CHRM3: variants seen among roughly 807,000 people sequenced by gnomAD.
CHRM3 encodes the protein cholinergic receptor muscarinic 3.
A neutral mutation model predicts 41.8 loss-of-function variants in CHRM3; 11 were observed. The observed-to-expected ratio is 0.26, with a 90% CI of 0.17 to 0.44. The LOEUF is 0.44. Among genes scored for constraint, CHRM3 ranks in the 20% least tolerant of loss-of-function variants. CHRM3 has a pLI of 1.00. For synonymous variants in CHRM3, 297 were observed against 301.4 expected (o/e 0.99, Z 0.15); for missense variants, 571 against 745.4 (o/e 0.77, Z 2.72).
chr1:239,392,785 T>A (rs1218185778), intron 1 of CHRM3, among the ~76,000 whole-genome samples: 1 of 152,202 alleles, frequency 6.6e-6, no homozygotes, highest in East Asian at 1.9e-4. Flanking sequence ...AAGGAGCTGC[T>A]AACAGCCTTT....
chr1:239,640,316 A>T (rs143527606), intron 4 of CHRM3, among the ~76,000 whole-genome samples: 1,946 of 152,190 alleles, frequency 0.013, 57 homozygotes, highest in African/African-American at 0.045. Context: ...TTTTCTATTG[A>T]TTGGAATAGT....
intron 3 of CHRM3, among the ~76,000 whole-genome samples, chr1:239,598,788 T>C (rs1665122911): frequency 6.6e-6 from 1 of 152,156 alleles, no homozygotes; most frequent in Admixed American, 6.5e-5. Context: ...GAATGCTTTT[T>C]CCAAATTTGG....
intron 4 of CHRM3, among the ~76,000 whole-genome samples, chr1:239,636,880 T>C (rs1670516569): frequency 6.6e-6 from 1 of 152,224 alleles, no homozygotes; most frequent in Non-Finnish European, 1.5e-5. Flanking sequence ...ATCAGCTGTG[T>C]GTGTGGCTGG....
chr1:239,468,192 T>C (rs1020929141), intron 1 of CHRM3, among the ~76,000 whole-genome samples: 1 of 152,198 alleles, frequency 6.6e-6, no homozygotes, highest in Non-Finnish European at 1.5e-5. Flanking sequence ...TGAGAAATGC[T>C]CAATAGACTC....
At chr1:239,528,254 T>G (rs953385915) in intron 2 of CHRM3, among the ~76,000 whole-genome samples, 6 of 152,242 alleles carry the variant, frequency 3.9e-5, no homozygotes, top group African/African-American at 1.4e-4. Context: ...GATTTTTTCC[T>G]ATTAGTACCC....
intron 5 of CHRM3, among the ~76,000 whole-genome samples, chr1:239,800,886 T>C (rs1670157814): frequency 7.6e-6 from 1 of 132,128 alleles, no homozygotes; most frequent in Non-Finnish European, 1.6e-5. Flanking sequence ...AAGTAAGAAA[T>C]GTAAGAAAAA....
intron 5 of CHRM3, among the ~76,000 whole-genome samples, chr1:239,769,299 G>A (rs1225801906): frequency 1.3e-5 from 2 of 152,134 alleles, no homozygotes; most frequent in East Asian, 3.9e-4. Context: ...CCCTGGATAT[G>A]ATCTCAAAGG....
intron 3 of CHRM3, among the ~76,000 whole-genome samples, chr1:239,597,665 AT>A (rs1464504397): frequency 1.9e-4 from 29 of 152,138 alleles, no homozygotes; most frequent in Non-Finnish European, 3.4e-4. Context: ...TAAATAAAAA[AT>A]ATTTAAAATA....
At chr1:239,461,019 A>G (rs1444602281) in intron 1 of CHRM3, among the ~76,000 whole-genome samples, 2 of 152,178 alleles carry the variant, frequency 1.3e-5, no homozygotes, top group Admixed American at 6.6e-5. Context: ...TCTATAGCCT[A>G]ATATTCAAGA....
At chr1:239,563,483 G>T (rs766234846) in intron 3 of CHRM3, among the ~76,000 whole-genome samples, 5 of 152,096 alleles carry the variant, frequency 3.3e-5, no homozygotes, top group Non-Finnish European at 7.4e-5. Context: ...CCTTTCTACT[G>T]GTTCTCCAAA....
chr1:239,439,018 G>A (rs1469628600), intron 1 of CHRM3, among the ~76,000 whole-genome samples: 4 of 152,158 alleles, frequency 2.6e-5, no homozygotes, highest in African/African-American at 9.7e-5. Flanking sequence ...AGTTGTGTAA[G>A]TTGGGCCTAG....
intron 5 of CHRM3, among the ~76,000 whole-genome samples, chr1:239,784,072 G>A (rs1414191243): frequency 2.0e-5 from 3 of 152,160 alleles, no homozygotes; most frequent in African/African-American, 7.2e-5. Context: ...AGTATTCCAA[G>A]ATTCATCAGT....
chr1:239,440,513 G>C (rs1389916638), intron 1 of CHRM3, among the ~76,000 whole-genome samples: 1 of 152,126 alleles, frequency 6.6e-6, no homozygotes, highest in Admixed American at 6.5e-5. Flanking sequence ...AATGCAGGTA[G>C]GAAACTAGGC....
rs1680105252 is a variant in CHRM3, at chr1:239,907,994, A to G, written c.543A>G (p.Thr181=). The G allele has an allele frequency of 1.2e-6, 2 of 1,614,030 alleles. No homozygotes were observed. Among genetic ancestry groups the G allele is most frequent in the African/African-American group, 2.7e-5 (2 of 74,898 alleles). The change falls in exon 7 of 7, where the codon ACA becomes ACG. Residue 181 remains threonine, a synonymous_variant. Transcript: ENST00000676153. This position sits in a 1 kb window ranked among gnomAD's most constrained non-coding sequence, Gnocchi z 5.4. The stretch of plus-strand genomic sequence containing the variant: ...CGCTCACGTACCGAGCCAAACGAAC[A>G]ACAAAGAGAGCCGGTGTGATGATCG... ...TRPLTYRAKR[T]TKRAGVMIGL...
chr1:239,408,635 G>A (rs1387236160), intron 1 of CHRM3, among the ~76,000 whole-genome samples: 2 of 151,836 alleles, frequency 1.3e-5, no homozygotes, highest in Admixed American at 6.6e-5. Flanking sequence ...TGTTGGCCCA[G>A]GATGCTCTTT....
At chr1:239,642,872 T>C (rs958773922) in intron 4 of CHRM3, among the ~76,000 whole-genome samples, 1 of 152,202 alleles carries the variant, frequency 6.6e-6, no homozygotes, top group Admixed American at 6.5e-5. Flanking sequence ...TTTTCTGCTC[T>C]GTTTTTTCCC....
intron 2 of CHRM3, among the ~76,000 whole-genome samples, chr1:239,526,688 C>G (rs79374122): frequency 3.6e-4 from 55 of 152,302 alleles, no homozygotes; most frequent in African/African-American, 1.2e-3. Flanking sequence ...AAAAAGAGCT[C>G]TTTTTCATTT....
chr1:239,661,190 ATGT>A, intron 4 of CHRM3, among the ~76,000 whole-genome samples: 1 of 152,156 alleles, frequency 6.6e-6, no homozygotes, highest in South Asian at 2.1e-4. Flanking sequence ...TTTTATTTTG[ATGT>A]TAACATTTGT....
At chr1:239,467,522 G>A (rs963293096) in intron 1 of CHRM3, among the ~76,000 whole-genome samples, 4 of 152,040 alleles carry the variant, frequency 2.6e-5, no homozygotes, top group South Asian at 2.1e-4. Flanking sequence ...GGCTGGTCTC[G>A]AACTCCTCAC....
Sources: allele counts gnomAD v4.1 joint callset (sites outside exome capture counted in the v4.1 genomes callset), GRCh38; gene constraint gnomAD v4.1.1; non-coding constraint Gnocchi (gnomAD v3.1); transcripts MANE v1.5; gene names NCBI Gene and HGNC (gene_info 2026-07-23, HGNC 2026-07-21).